The following MAML3 variants were observed in gnomAD, a reference collection of about 807,000 sequenced individuals.
The protein encoded by MAML3 is mastermind like transcriptional coactivator 3.
Under a neutral mutation model 101.9 loss-of-function variants are expected in MAML3, and 27 were observed. The ratio of observed to expected loss-of-function variants is 0.27; its 90% CI spans 0.20 to 0.37. MAML3 has a LOEUF of 0.37. Among genes scored for constraint, MAML3 ranks in the 10% least tolerant of loss-of-function variants. The probability of loss-of-function intolerance (pLI) is 1.00; values close to 1 mark genes in which losing one functional copy is unlikely to be tolerated. For synonymous variants in MAML3, 501 were observed against 555.9 expected (o/e 0.90, Z 1.39); for missense variants, 1,316 against 1,444.9 (o/e 0.91, Z 1.45).
At chr4:139,882,026 G>GC (rs1443863134) in intron 2 of MAML3, among the ~76,000 whole-genome samples, 2 of 152,018 alleles carry the variant, frequency 1.3e-5, no homozygotes, top group Non-Finnish European at 2.9e-5. Context: ...ATAATTAATA[G>GC]CCTTGGATTG....
intron 2 of MAML3, among the ~76,000 whole-genome samples, chr4:139,795,000 T>A (rs1730486134): frequency 6.6e-6 from 1 of 152,188 alleles, no homozygotes; most frequent in Non-Finnish European, 1.5e-5. Flanking sequence ...AATATAGTTA[T>A]CTCTGCTTAG....
At chr4:139,780,623 C>CTTTTT (rs35929438) in intron 2 of MAML3, among the ~76,000 whole-genome samples, 12 of 136,948 alleles carry the variant, frequency 8.8e-5, no homozygotes, top group Non-Finnish European at 1.1e-4. Flanking sequence ...TCTTTCTTTT[C>CTTTTT]TTTTTTTTTT....
chr4:140,034,088 T>C (rs1726947606), intron 1 of MAML3, among the ~76,000 whole-genome samples: 1 of 152,164 alleles, frequency 6.6e-6, no homozygotes, highest in African/African-American at 2.4e-5. Flanking sequence ...ACCAAGGGTT[T>C]ACAAAAGGCT....
intron 1 of MAML3, among the ~76,000 whole-genome samples, chr4:140,045,947 G>C (rs1360180267): frequency 1.3e-5 from 2 of 152,172 alleles, no homozygotes; most frequent in African/African-American, 2.4e-5. Context: ...TGGTGCGTGA[G>C]AAAAAGAATA....
At chr4:139,818,282 A>G (rs1730923978) in intron 2 of MAML3, among the ~76,000 whole-genome samples, 2 of 152,082 alleles carry the variant, frequency 1.3e-5, no homozygotes, top group African/African-American at 4.8e-5. Context: ...CCTTCACAGC[A>G]CCTGTCCTCA....
At chr4:139,745,394 G>A (rs952905883) in intron 2 of MAML3, among the ~76,000 whole-genome samples, 8 of 152,216 alleles carry the variant, frequency 5.3e-5, no homozygotes, top group African/African-American at 1.9e-4. Context: ...GAACAGGGCT[G>A]GATCTGGAGA....
At chr4:139,885,984 A>C in intron 2 of MAML3, among the ~76,000 whole-genome samples, 1 of 149,738 alleles carries the variant, frequency 6.7e-6, no homozygotes, top group South Asian at 2.1e-4. Flanking sequence ...AAAGGGAATA[A>C]AGAAATAATA....
chr4:139,884,700 A>ATCAAAGGATTCAT (rs1350924165), intron 2 of MAML3, among the ~76,000 whole-genome samples: 1 of 152,208 alleles, frequency 6.6e-6, no homozygotes, highest in Non-Finnish European at 1.5e-5. Context: ...ATCACCTCCT[A>ATCAAAGGATTCAT]TCAAAGGATT....
intron 2 of MAML3, among the ~76,000 whole-genome samples, chr4:139,823,731 T>A (rs1368396896): frequency 6.6e-6 from 1 of 151,558 alleles, no homozygotes; most frequent in African/African-American, 2.4e-5. Flanking sequence ...TTCATGATGC[T>A]TAATGTCTGC....
intron 1 of MAML3, among the ~76,000 whole-genome samples, chr4:140,086,240 C>T (rs1013906454): frequency 3.9e-5 from 6 of 152,330 alleles, no homozygotes; most frequent in East Asian, 1.9e-4. Flanking sequence ...CGCACATAGG[C>T]GCTACCTCAC....
intron 1 of MAML3, among the ~76,000 whole-genome samples, chr4:139,960,730 C>T (rs1276715729): frequency 6.6e-6 from 1 of 152,158 alleles, no homozygotes; most frequent in Non-Finnish European, 1.5e-5. Flanking sequence ...CTTTTCTGCA[C>T]ATCTGAAAAT....
chr4:139,858,452 C>CTTTTTTTTTTTTTTTT (rs59968954), intron 2 of MAML3, among the ~76,000 whole-genome samples: 1 of 131,388 alleles, frequency 7.6e-6, no homozygotes, highest in Non-Finnish European at 1.6e-5. Context: ...TGATTCTTGG[C>CTTTTTTTTTTTTTTTT]TTTTTTTTTT....
chr4:139,766,145 C>A (rs529553389), intron 2 of MAML3, among the ~76,000 whole-genome samples: 7 of 138,834 alleles, frequency 5.0e-5, no homozygotes, highest in African/African-American at 1.6e-4. Context: ...AGGCACTACT[C>A]AGTTAACTCC....
intron 1 of MAML3, among the ~76,000 whole-genome samples, chr4:139,992,725 T>C (rs986586381): frequency 6.6e-6 from 1 of 152,064 alleles, no homozygotes; most frequent in South Asian, 2.1e-4. Context: ...GCCCAGCTAA[T>C]TTTTTGTATT....
At chr4:140,038,480 T>C (rs1339837639) in intron 1 of MAML3, among the ~76,000 whole-genome samples, 1 of 152,210 alleles carries the variant, frequency 6.6e-6, no homozygotes. Context: ...GGATTATATG[T>C]TTTCCTTCCC....
At position 139,773,860 on chromosome 4, in the gene MAML3, G is replaced by C. The variant is rs538434339; in HGVS notation, c.2080-43193C>G. On this transcript the variant is annotated intron_variant, in intron 2 of 4. Coordinates refer to ENST00000509479, the MANE Select transcript of MAML3 (RefSeq NM_018717.5). ...GAACTCAGATTTGAGACAGGCACTT[G>C]AAGAAGATGACTGAGAAATGTTCAA... Among the ~76,000 whole-genome samples, 3 of 152,336 alleles carry C rather than the reference G, an allele frequency of 2.0e-5. No individual in the cohort carries two copies. The East Asian group carries it at 5.8e-4, about 29-fold the overall frequency.
chr4:139,922,158 T>A (rs1733141674), intron 1 of MAML3, among the ~76,000 whole-genome samples: 1 of 152,100 alleles, frequency 6.6e-6, no homozygotes. Flanking sequence ...TACTGTCTCC[T>A]GCGTTTGGAA....
intron 2 of MAML3, among the ~76,000 whole-genome samples, chr4:139,823,597 G>C (rs954284165): frequency 1.3e-5 from 2 of 152,038 alleles, no homozygotes; most frequent in Non-Finnish European, 2.9e-5. Context: ...AATTAAATTA[G>C]ACACATCAGC....
At chr4:140,015,105 G>T (rs367908121) in intron 1 of MAML3, among the ~76,000 whole-genome samples, 20 of 152,246 alleles carry the variant, frequency 1.3e-4, no homozygotes, top group African/African-American at 4.8e-4. Flanking sequence ...CTAATTTTCA[G>T]ATAGCTCTTT....
Sources: gnomAD v4.1 joint callset for allele counts (sites outside exome capture counted in the v4.1 genomes callset) on GRCh38, gnomAD v4.1.1 for gene constraint, MANE v1.5 for transcripts, NCBI Gene and HGNC (gene_info 2026-07-23, HGNC 2026-07-21) for gene names.